SLX4IP: variants seen among roughly 807,000 people sequenced by gnomAD.
SLX4IP encodes protein SLX4IP.
SLX4IP carries 34 observed loss-of-function variants against 32.9 expected under a neutral mutation model. That is an observed-to-expected ratio of 1.03 (90% CI 0.79 to 1.38). The LOEUF is 1.38. Among genes scored for constraint, SLX4IP ranks in the 40% most tolerant of loss-of-function variants. The pLI is 0.00. For synonymous variants in SLX4IP, 172 were observed against 171.7 expected, an observed-to-expected ratio of 1.00 and a Z score of -0.01; for missense variants, 444 against 479.0, an observed-to-expected ratio of 0.93 and a Z score of 0.68.
Position 10,622,815 on chromosome 20 carries a change from A to C in SLX4IP, c.663A>C (p.Gln221His), listed in dbSNP as rs779784280. Residue 221 changes from glutamine (Q) to histidine (H), a missense_variant, in exon 8 of 8, where the codon CAA (glutamine) becomes CAC (histidine). Physicochemically the swap from Gln to His is conservative, Grantham distance 24 (BLOSUM62 0). Coordinates refer to ENST00000334534, the MANE Select transcript of SLX4IP (RefSeq NM_001009608.3). ...GTCCCCCATCAGAATCCATGGGACA[A>C]GCAAAGGATTCCATAAAGGCAGCTG... ...SSSPPSESMG[Q>H]AKDSIKAAES... 3 of 1,614,160 alleles carry C rather than the reference A, an allele frequency of 1.9e-6. No homozygotes were observed. In the South Asian group the frequency reaches 3.3e-5, roughly 18 times the overall value.
chr20:10,505,975 A>G (rs1490116204), intron 2 of SLX4IP, among the ~76,000 whole-genome samples: 1 of 152,216 alleles, frequency 6.6e-6, no homozygotes, highest in Non-Finnish European at 1.5e-5. Context: ...TTGAAACTTC[A>G]GGACCACACA....
At chr20:10,538,223 C>T (rs1329298900) in intron 2 of SLX4IP, among the ~76,000 whole-genome samples, 8 of 152,150 alleles carry the variant, frequency 5.3e-5, no homozygotes, top group Admixed American at 3.9e-4. Context: ...TTTTCTTCCT[C>T]CTCTTGGCCT....
At position 10,437,109 on chromosome 20, in the gene SLX4IP, C is replaced by T. The variant is rs566608212; in HGVS notation, c.-30+1656C>T. 4.6e-5 allele frequency among the ~76,000 whole-genome samples: 7 copies of T among 152,154 alleles called. No individual in the cohort carries two copies. The East Asian group carries it at 1.4e-3, about 29-fold the overall frequency. ...GTGGCACCTTGCTTTCTTCTGTCTT[C>T]CCATTTTATTTTACTTCTTTTATTT... On this transcript the variant is annotated intron_variant, in intron 1 of 7. Transcript: ENST00000334534.
At chr20:10,530,049 C>T (rs1319997614) in intron 2 of SLX4IP, among the ~76,000 whole-genome samples, 1 of 152,094 alleles carries the variant, frequency 6.6e-6, no homozygotes, top group Non-Finnish European at 1.5e-5. Flanking sequence ...ATGGTGGTTC[C>T]CAAAAGTTTT....
intron 6 of SLX4IP, among the ~76,000 whole-genome samples, chr20:10,619,470 T>A (rs1421122122): frequency 2.0e-5 from 3 of 152,362 alleles, no homozygotes; most frequent in Non-Finnish European, 2.9e-5. Flanking sequence ...AGTGATTGAA[T>A]TTAATACGAG....
chr20:10,473,710 C>G (rs2065447511), intron 2 of SLX4IP, among the ~76,000 whole-genome samples: 1 of 151,924 alleles, frequency 6.6e-6, no homozygotes, highest in Non-Finnish European at 1.5e-5. Flanking sequence ...TCAAGCAATT[C>G]TCCTGCCTCA....
intron 2 of SLX4IP, among the ~76,000 whole-genome samples, chr20:10,468,470 T>C (rs1722441897): frequency 1.3e-5 from 2 of 152,354 alleles, no homozygotes; most frequent in South Asian, 4.1e-4. Context: ...ACGTAAGGCA[T>C]TCTGATAATT....
intron 5 of SLX4IP, among the ~76,000 whole-genome samples, chr20:10,600,399 T>C (rs1038346386): frequency 6.6e-5 from 10 of 152,160 alleles, no homozygotes; most frequent in African/African-American, 2.4e-4. Flanking sequence ...TGGTAGGTTT[T>C]TGAGCAGGAT....
rs114745331 is a variant in SLX4IP at position 10,525,215 on chromosome 20, C to T, written c.28-31016C>T. On this transcript the variant is annotated intron_variant, in intron 2 of 7. Transcript: ENST00000334534. ...TCATTTAAAACATGAAATAGCAGTA[C>T]CACAAGGATTTTAAGAAAAAGTAGC... 5.9e-3 allele frequency among the ~76,000 whole-genome samples: 905 copies of T among 152,226 alleles called. 7 individuals carry two copies. The highest frequency in any genetic ancestry group is 0.021 in the African/African-American group (857 of 41,526).
intron 2 of SLX4IP, among the ~76,000 whole-genome samples, chr20:10,551,403 G>A (rs2122491317): frequency 6.6e-6 from 1 of 152,350 alleles, no homozygotes; most frequent in African/African-American, 2.4e-5. Flanking sequence ...TTGGTCCCTG[G>A]AAAGGGCTTA....
At chr20:10,480,679 C>T (rs1334776080) in intron 2 of SLX4IP, among the ~76,000 whole-genome samples, 1 of 152,086 alleles carries the variant, frequency 6.6e-6, no homozygotes, top group Non-Finnish European at 1.5e-5. Context: ...TATAAGATTT[C>T]TTTGAAATTA....
chr20:10,513,041 A>C (rs902806478), intron 2 of SLX4IP, among the ~76,000 whole-genome samples: 19 of 151,844 alleles, frequency 1.3e-4, no homozygotes, highest in Non-Finnish European at 2.8e-4. Context: ...GCATCAGGTG[A>C]CTTTTCCATA....
intron 2 of SLX4IP, among the ~76,000 whole-genome samples, chr20:10,542,832 G>A (rs1458761423): frequency 4.6e-5 from 7 of 152,114 alleles, no homozygotes; most frequent in Admixed American, 4.6e-4. Context: ...GTTTTGTTTT[G>A]TTTCCCAGAT....
intron 2 of SLX4IP, among the ~76,000 whole-genome samples, chr20:10,529,317 G>A (rs1488714922): frequency 2.0e-5 from 3 of 151,902 alleles, no homozygotes; most frequent in East Asian, 1.9e-4. Flanking sequence ...GACCAGGCGC[G>A]GTGGCTCACC....
chr20:10,462,674 G>A (rs1280417028), intron 2 of SLX4IP, among the ~76,000 whole-genome samples: 1 of 152,108 alleles, frequency 6.6e-6, no homozygotes, highest in Non-Finnish European at 1.5e-5. Context: ...TCCAAAATAG[G>A]GGAATAAACA....
At chr20:10,602,217 G>A (rs1209496093) in intron 6 of SLX4IP, among the ~76,000 whole-genome samples, 3 of 152,040 alleles carry the variant, frequency 2.0e-5, no homozygotes. Context: ...GTGAATCACC[G>A]ACATTTTCAT....
At chr20:10,502,566 T>C (rs2065727973) in intron 2 of SLX4IP, among the ~76,000 whole-genome samples, 1 of 151,486 alleles carries the variant, frequency 6.6e-6, no homozygotes, top group Non-Finnish European at 1.5e-5. Context: ...CCTTTGTGTT[T>C]ACTACTCCTG....
intron 2 of SLX4IP, among the ~76,000 whole-genome samples, chr20:10,522,537 G>A (rs1047740201): frequency 1.3e-5 from 2 of 152,132 alleles, no homozygotes; most frequent in Admixed American, 6.5e-5. Context: ...CATGGCTCCC[G>A]GTCTCCTGGG....
chr20:10,622,605 G>A, intron 7 of SLX4IP, 54 bp from the exon 8 acceptor site: 3 of 1,535,318 alleles, frequency 2.0e-6, no homozygotes, highest in Non-Finnish European at 2.6e-6. Context: ...GAATCTGGAG[G>A]AAACAGTGCA....
Sources: gnomAD v4.1 joint callset for allele counts (sites outside exome capture counted in the v4.1 genomes callset) on GRCh38, gnomAD v4.1.1 for gene constraint, MANE v1.5 for transcripts, NCBI Gene and HGNC (gene_info 2026-07-23, HGNC 2026-07-21) for gene names.